PPP4R3A: variants seen among roughly 807,000 people sequenced by gnomAD.
PPP4R3A encodes the protein protein phosphatase 4 regulatory subunit 3A.
Under a neutral mutation model 91.7 loss-of-function variants are expected in PPP4R3A, and 15 were observed. The ratio of observed to expected loss-of-function variants is 0.16; its 90% confidence interval spans 0.11 to 0.25. PPP4R3A has a LOEUF of 0.25. Ranked by LOEUF, PPP4R3A falls within the 10% of genes least tolerant of loss-of-function variation. The pLI is 1.00. For synonymous variants in PPP4R3A, 377 were observed against 348.7 expected (o/e 1.08, Z -0.91); for missense variants, 623 against 998.4 (o/e 0.62, Z 5.07).
rs1157937291 is a variant in PPP4R3A at position 91,462,209 on chromosome 14, A to G, written c.2004T>C (p.Tyr668=). Residue 668 remains tyrosine, a synonymous_variant, in exon 13 of 15, where the codon TAT becomes TAC. Coordinates refer to ENST00000554943, the MANE Select transcript of PPP4R3A (RefSeq NM_001366432.2). ...SMRSILRNHR[Y]RRDARTLEDE... is the part of the protein sequence containing the mutation. ...CTTCTAGTGTTCTGGCATCTCTTCGATATCTGTGATTCCTCAAAATGGAAC... is the reference window on the plus strand; with the variant it reads ...CTTCTAGTGTTCTGGCATCTCTTCGGTATCTGTGATTCCTCAAAATGGAAC... 6.9e-6 allele frequency: 11 copies of G among 1,595,078 alleles called. No individual in the cohort carries two copies. Among genetic ancestry groups the G allele is most frequent in the Non-Finnish European group, 6.8e-6 (8 of 1,174,466 alleles).
At chr14:91,459,924 T>G (rs1343176238) in intron 14 of PPP4R3A, among the ~76,000 whole-genome samples, 1 of 151,866 alleles carries the variant, frequency 6.6e-6, no homozygotes. Flanking sequence ...TTATTAGAGG[T>G]TAGGAAAGCA....
intron 4 of PPP4R3A, 57 bp from the exon 5 acceptor site, chr14:91,477,043 A>G (rs1889256044): frequency 6.7e-6 from 9 of 1,351,838 alleles, no homozygotes; most frequent in Non-Finnish European, 9.3e-6. Context: ...CTAAAATATA[A>G]TTTCAGGAAT....
At chr14:91,479,082 A>C (rs1198458580) in intron 4 of PPP4R3A, among the ~76,000 whole-genome samples, 1 of 152,074 alleles carries the variant, frequency 6.6e-6, no homozygotes, top group Non-Finnish European at 1.5e-5. Context: ...TCCTGGATTC[A>C]AGCGATTCTC....
At chr14:91,503,967 G>A (rs949676227) in intron 1 of PPP4R3A, among the ~76,000 whole-genome samples, 8 of 151,972 alleles carry the variant, frequency 5.3e-5, no homozygotes, top group African/African-American at 1.5e-4. Context: ...GGCCAGGTGC[G>A]GTGTAATCCC....
At chr14:91,486,898 C>CT in intron 2 of PPP4R3A, among the ~76,000 whole-genome samples, 1 of 105,312 alleles carries the variant, frequency 9.5e-6, no homozygotes, top group East Asian at 2.5e-4. Flanking sequence ...GAGCAAAACT[C>CT]TGTCTCCAAA....
At chr14:91,507,079 G>C (rs1891339361) in intron 1 of PPP4R3A, among the ~76,000 whole-genome samples, 1 of 152,004 alleles carries the variant, frequency 6.6e-6, no homozygotes, top group Non-Finnish European at 1.5e-5. Flanking sequence ...AGCACTTTGG[G>C]AGGCCGAGGC....
intron 3 of PPP4R3A, among the ~76,000 whole-genome samples, chr14:91,484,117 A>G (rs1469403747): frequency 6.6e-6 from 1 of 152,236 alleles, no homozygotes; most frequent in Middle Eastern, 3.2e-3. Flanking sequence ...TGCTATAAAT[A>G]TAATTGTTGG....
At chr14:91,462,501 CT>C (rs10718143) in intron 12 of PPP4R3A, among the ~76,000 whole-genome samples, 116,084 of 139,884 alleles carry the variant, frequency 0.83, 48,095 homozygotes, top group East Asian at 0.95. Context: ...ACTGTTTGGT[CT>C]TTTTTTTTTT....
intron 1 of PPP4R3A, among the ~76,000 whole-genome samples, chr14:91,499,828 A>G (rs906660720): frequency 6.6e-6 from 1 of 151,444 alleles, no homozygotes; most frequent in Non-Finnish European, 1.5e-5. Flanking sequence ...CTCAAAAAAA[A>G]AAAAAAAAAA....
intron 1 of PPP4R3A, among the ~76,000 whole-genome samples, chr14:91,503,208 G>A (rs1465037344): frequency 1.3e-5 from 2 of 152,054 alleles, no homozygotes; most frequent in African/African-American, 2.4e-5. Context: ...GGCAGGTATC[G>A]AACTTCTGGC....
intron 2 of PPP4R3A, among the ~76,000 whole-genome samples, chr14:91,488,881 GA>G (rs907586590): frequency 2.7e-4 from 40 of 148,532 alleles, no homozygotes; most frequent in African/African-American, 8.9e-4. Flanking sequence ...ATACTGTTAT[GA>G]AAACTAGTCA....
intron 10 of PPP4R3A, 111 bp downstream of exon 10, chr14:91,470,726 T>A (rs1888781689): frequency 2.4e-6 from 3 of 1,241,322 alleles, no homozygotes; most frequent in Non-Finnish European, 3.4e-6. Flanking sequence ...GAGCTAGTAT[T>A]ACGACCTAGA....
chr14:91,500,171 C>T (rs919352048), intron 1 of PPP4R3A, among the ~76,000 whole-genome samples: 5 of 152,170 alleles, frequency 3.3e-5, no homozygotes, highest in Non-Finnish European at 4.4e-5. Flanking sequence ...ATTTTTTATT[C>T]AAGTGCCTGT....
At chr14:91,505,366 C>T (rs1891228658) in intron 1 of PPP4R3A, among the ~76,000 whole-genome samples, 2 of 151,576 alleles carry the variant, frequency 1.3e-5, no homozygotes, top group South Asian at 4.2e-4. Flanking sequence ...ATGAGAATCC[C>T]TTGAACCTGG....
chr14:91,481,520 G>A, intron 4 of PPP4R3A, 56 bp downstream of exon 4: 1 of 1,481,084 alleles, frequency 6.8e-7, no homozygotes, highest in Non-Finnish European at 8.9e-7. Flanking sequence ...TTTAAAAGGA[G>A]CAAATTGTTT....
chr14:91,505,948 AT>A (rs5810541), intron 1 of PPP4R3A, among the ~76,000 whole-genome samples: 3,021 of 148,424 alleles, frequency 0.02, 54 homozygotes, highest in East Asian at 0.052. Flanking sequence ...TATAATTGAA[AT>A]TTTTTTTTTT....
Position 91,475,944 on chromosome 14 carries a change from C to G in PPP4R3A, c.1133G>C (p.Arg378Pro), listed in dbSNP as rs140684085. The G allele has an allele frequency of 6.3e-7, 1 of 1,598,822 alleles. No homozygotes were observed. Reference sequence around the variant, plus strand: ...TGAGAATATATCAGTAGCAGCACTTCGCACCTGTGTATCATCCATGCCCTG... The same window carrying G: ...TGAGAATATATCAGTAGCAGCACTTGGCACCTGTGTATCATCCATGCCCTG... ...VILGMDDTQV[R>P]SAATDIFSYL... is the part of the protein sequence containing the mutation. Residue 378 changes from arginine to proline, a missense_variant, in exon 7 of 15, where the codon CGA becomes CCA. Arg to Pro is a moderately radical substitution (Grantham distance 103). Transcript: ENST00000554943.
intron 4 of PPP4R3A, 115 bp from the exon 5 acceptor site, chr14:91,477,101 C>A (rs1595063087): frequency 1.5e-5 from 9 of 601,252 alleles, no homozygotes; most frequent in Admixed American, 5.0e-5. Flanking sequence ...GTGGTATTGG[C>A]AATGCTGTCT....
Position 91,485,395 on chromosome 14 carries a change from TGAAAA to T in PPP4R3A, c.297+232_297+236del, listed in dbSNP as rs1333457027. 5.3e-5 allele frequency among the ~76,000 whole-genome samples: 8 copies of T among 152,166 alleles called. No individual in the cohort carries two copies. The South Asian group carries it at 8.3e-4, about 16-fold the overall frequency. On this transcript the variant is annotated intron_variant, in intron 3 of 14. Coordinates refer to ENST00000554943, the MANE Select transcript of PPP4R3A (RefSeq NM_001366432.2). ...ACTAAATTTGAGATGCTAGTGAACA[TGAAAA>T]GAGAAAGTTTCAAAAAGGCAGGTGG... is the stretch of plus-strand genomic sequence containing the variant.
Sources: allele counts gnomAD v4.1 joint callset (sites outside exome capture counted in the v4.1 genomes callset), GRCh38; gene constraint gnomAD v4.1.1; transcripts MANE v1.5; gene names NCBI Gene and HGNC (gene_info 2026-07-23, HGNC 2026-07-21).